The following CCDC63 variants were observed in gnomAD, a reference collection of about 807,000 sequenced individuals.
The protein encoded by CCDC63 is coiled-coil domain-containing protein 63.
In CCDC63, 54 loss-of-function variants were observed where a neutral mutation model predicts 63.6. The ratio of observed to expected loss-of-function variants is 0.85; its 90% CI spans 0.68 to 1.07. The LOEUF is 1.07. CCDC63 is among the 50% of genes least tolerant of loss of function. The pLI is 0.00. For synonymous variants in CCDC63, 253 were observed against 266.1 expected (o/e 0.95, Z 0.48); for missense variants, 637 against 689.6 (o/e 0.92, Z 0.86).
chr12:110,874,819 C>T (rs2136686046), intron 5 of CCDC63, among the ~76,000 whole-genome samples: 1 of 152,228 alleles, frequency 6.6e-6, no homozygotes, highest in Admixed American at 6.5e-5. Flanking sequence ...TCCAAACCCA[C>T]CCACTGCTAC....
intron 4 of CCDC63, among the ~76,000 whole-genome samples, chr12:110,869,650 G>A (rs1289292513): frequency 6.6e-6 from 1 of 152,110 alleles, no homozygotes; most frequent in Non-Finnish European, 1.5e-5. Flanking sequence ...GAGAAACTAT[G>A]GAGTGAAGTT....
intron 4 of CCDC63, among the ~76,000 whole-genome samples, chr12:110,858,983 C>T (rs1475530362): frequency 1.3e-5 from 2 of 152,168 alleles, no homozygotes; most frequent in Admixed American, 6.5e-5. Context: ...CCAATCCATC[C>T]CTCCGCCGTG....
At chr12:110,852,703 C>A (rs1215446541) in intron 1 of CCDC63, among the ~76,000 whole-genome samples, 156 bp from the exon 2 acceptor site, 1 of 152,078 alleles carries the variant, frequency 6.6e-6, no homozygotes, top group Non-Finnish European at 1.5e-5. Flanking sequence ...AAATAAGTGC[C>A]TTTTGTCACA....
At chr12:110,844,633 A>G (rs1257040240), upstream of CCDC63, among the ~76,000 whole-genome samples, 1 of 152,182 alleles carries the variant, frequency 6.6e-6, no homozygotes, top group East Asian at 1.9e-4. Context: ...TAATTGGCTT[A>G]AACTTAGATT....
At position 110,906,947 on chromosome 12, in the gene CCDC63, G is replaced by A. The variant is rs571508156; in HGVS notation, c.1547-384G>A. 7.2e-5 allele frequency among the ~76,000 whole-genome samples: 11 copies of A among 152,260 alleles called. No homozygotes were observed. The South Asian group carries it at 2.3e-3, about 32-fold the overall frequency. On this transcript the variant is annotated intron_variant, in intron 11 of 11. Transcript: ENST00000308208. ...ATGGCCTACAGGTGTGAATTAGAAG[G>A]GCCACTTCTGGGTAGATTAAATTAG...
rs201342206 is a variant in CCDC63 at position 110,872,406 on chromosome 12, GCAGA to G, written c.370-1431_370-1428del. Among the ~76,000 whole-genome samples the G allele has an allele frequency of 2.8e-3, 434 of 152,328 alleles. 4 individuals carry two copies. Among genetic ancestry groups the G allele is most frequent in the African/African-American group, 9.6e-3 (401 of 41,574 alleles). ...AGAATTGCCAAGCATTACACATACTGCAGACAGATGCAGGCTGACTGTATCCACA... is the reference window on the plus strand; with the variant it reads ...AGAATTGCCAAGCATTACACATACTGCAGATGCAGGCTGACTGTATCCACA... On this transcript the variant is annotated intron_variant, in intron 4 of 11. Transcript: ENST00000308208.
chr12:110,851,282 C>T (rs1212384371), intron 1 of CCDC63, among the ~76,000 whole-genome samples: 2 of 152,126 alleles, frequency 1.3e-5, no homozygotes, highest in East Asian at 3.8e-4. Context: ...TCTCAAGCCT[C>T]AAGATTCAGT....
intron 7 of CCDC63, among the ~76,000 whole-genome samples, chr12:110,883,480 A>C (rs1367980710): frequency 6.6e-6 from 1 of 152,220 alleles, no homozygotes; most frequent in Non-Finnish European, 1.5e-5. Context: ...AGCAGTGCCT[A>C]GCACAGTGTG....
At chr12:110,845,117 T>C (rs2070623922), upstream of CCDC63, among the ~76,000 whole-genome samples, 1 of 152,208 alleles carries the variant, frequency 6.6e-6, no homozygotes, top group African/African-American at 2.4e-5. Context: ...AAAAGCCTGA[T>C]ACGTCTCTGC....
chr12:110,881,041 T>G, intron 6 of CCDC63, 74 bp from the exon 7 acceptor site: 1 of 1,399,542 alleles, frequency 7.1e-7, no homozygotes, highest in Non-Finnish European at 9.5e-7. Context: ...CAGGAAGGCC[T>G]TCTGGACTGG....
In CCDC63 at chr12:110,853,550, A is replaced by G; in HGVS notation, c.155A>G (p.Asn52Ser). Residue 52 changes from asparagine (N) to serine (S), a missense_variant, in exon 3 of 12, where the codon AAC becomes AGC. Asn to Ser is a conservative substitution (Grantham distance 46). Coordinates refer to ENST00000308208, the MANE Select transcript of CCDC63 (RefSeq NM_152591.3). ...AGCCGGAAGTCTTTTAAGTTCCGAA[A>G]CCAGCAGAAGATTGCGAGTCAGTAG... is the stretch of plus-strand genomic sequence containing the variant. ...VESRKSFKFR[N>S]QQKIASQYKE... The G allele has an allele frequency of 6.2e-7, 1 of 1,614,190 alleles. No homozygotes were observed. Among genetic ancestry groups the G allele is most frequent in the Non-Finnish European group, 8.5e-7 (1 of 1,180,040 alleles).
At chr12:110,857,532 G>A (rs2070789796) in intron 3 of CCDC63, among the ~76,000 whole-genome samples, 1 of 152,202 alleles carries the variant, frequency 6.6e-6, no homozygotes, top group South Asian at 2.1e-4. Flanking sequence ...TCTCAGGTTG[G>A]GCACCTGAGA....
intron 4 of CCDC63, among the ~76,000 whole-genome samples, chr12:110,861,935 G>A (rs1487655782): frequency 6.6e-6 from 1 of 151,928 alleles, no homozygotes; most frequent in Non-Finnish European, 1.5e-5. Context: ...CCTACTGTGC[G>A]TGCCCGAAAT....
At chr12:110,846,610 G>A (rs2070639789), upstream of CCDC63, among the ~76,000 whole-genome samples, 1 of 152,020 alleles carries the variant, frequency 6.6e-6, no homozygotes, top group Non-Finnish European at 1.5e-5. Flanking sequence ...TTAGCTGCGT[G>A]TGAAGTCTGT....
chr12:110,855,475 CA>C (rs1278510417), intron 3 of CCDC63, among the ~76,000 whole-genome samples: 6 of 152,238 alleles, frequency 3.9e-5, no homozygotes, highest in South Asian at 2.1e-4. Context: ...CAGCACCCCA[CA>C]CACAGGCTTC....
chr12:110,862,833 G>C (rs1377905525), intron 4 of CCDC63, among the ~76,000 whole-genome samples: 1 of 151,042 alleles, frequency 6.6e-6, no homozygotes, highest in Non-Finnish European at 1.5e-5. Flanking sequence ...TCAGCTCACT[G>C]CAACCTCCAC....
chr12:110,884,697 T>C (rs2071255313), intron 8 of CCDC63, among the ~76,000 whole-genome samples: 1 of 151,610 alleles, frequency 6.6e-6, no homozygotes, highest in Non-Finnish European at 1.5e-5. Flanking sequence ...TTTATTTGTA[T>C]TTTTTTTGAG....
intron 8 of CCDC63, among the ~76,000 whole-genome samples, chr12:110,885,614 G>A (rs11065744): frequency 0.26 from 39,512 of 151,732 alleles, 5,421 homozygotes; most frequent in Middle Eastern, 0.31. Flanking sequence ...CTGCCTTCCC[G>A]TGCTATTCCC....
chr12:110,868,985 G>C (rs1044734648), intron 4 of CCDC63, among the ~76,000 whole-genome samples: 2 of 152,082 alleles, frequency 1.3e-5, no homozygotes, highest in African/African-American at 4.8e-5. Context: ...ACTTTTTGCA[G>C]CCCACTAGTG....
Sources: gnomAD v4.1 joint callset for allele counts (sites outside exome capture counted in the v4.1 genomes callset) on GRCh38, gnomAD v4.1.1 for gene constraint, MANE v1.5 for transcripts, NCBI Gene and HGNC (gene_info 2026-07-23, HGNC 2026-07-21) for gene names.